The following RAB21 variants were observed in gnomAD, a reference collection of about 807,000 sequenced individuals.
RAB21 encodes the protein ras-related protein Rab-21.
Under a neutral mutation model 33.1 loss-of-function variants are expected in RAB21, and 13 were observed. The ratio of observed to expected loss-of-function variants is 0.39; its 90% CI spans 0.26 to 0.62. The LOEUF (loss-of-function observed/expected upper bound fraction) is 0.62. Among genes scored for constraint, RAB21 ranks in the 20% least tolerant of loss-of-function variants. The pLI is 0.48. For synonymous variants in RAB21, 91 were observed against 103.7 expected, an observed-to-expected ratio of 0.88 and a Z score of 0.74; for missense variants, 234 against 279.1, an observed-to-expected ratio of 0.84 and a Z score of 1.15.
chr12:71,780,694 G>T (rs1883184823), intron 4 of RAB21, among the ~76,000 whole-genome samples: 1 of 152,156 alleles, frequency 6.6e-6, no homozygotes, highest in African/African-American at 2.4e-5. Flanking sequence ...TAGGTTCTCA[G>T]ATTATTCGAG....
chr12:71,785,742 C>T lies in RAB21; in HGVS notation c.*69C>T. On this transcript the variant is annotated 3_prime_UTR_variant, in exon 7 of 7. Coordinates refer to ENST00000261263, the MANE Select transcript of RAB21 (RefSeq NM_014999.4). ...TCATTGCCCTCAACATGAAGACTGC[C>T]ATATTCCAAGTCACATTATTTTACC... 1 of 1,534,020 alleles carries T rather than the reference C, an allele frequency of 6.5e-7. No individual in the cohort carries two copies. The highest frequency in any genetic ancestry group is 1.7e-5 in the Admixed American group (1 of 57,198).
chr12:71,781,538 A>G (rs1231305775), intron 4 of RAB21, among the ~76,000 whole-genome samples: 1 of 152,156 alleles, frequency 6.6e-6, no homozygotes, highest in Non-Finnish European at 1.5e-5. Context: ...GTACACTTTA[A>G]TTTTTACTTT....
rs191841749 is a variant in RAB21 at position 71,768,470 on chromosome 12, G to A, written c.160-1330G>A. On this transcript the variant is annotated intron_variant, in intron 1 of 6. Transcript: ENST00000261263. Reference sequence around the variant, plus strand: ...TTCCTTTTTTTTAAACACGTCAGCTGACTCTGGATTCTGGATATATTTTGT... The same window carrying A: ...TTCCTTTTTTTTAAACACGTCAGCTAACTCTGGATTCTGGATATATTTTGT... Among the ~76,000 whole-genome samples the A allele has an allele frequency of 4.9e-3, 746 of 152,042 alleles. 8 individuals are homozygous for A. The highest frequency in any genetic ancestry group is 0.017 in the African/African-American group (711 of 41,476).
Position 71,796,531 on chromosome 12 carries a change from AT to A in RAB21, c.*10860del, listed in dbSNP as rs1883465947. 2 of 137,444 alleles carry A rather than the reference AT, an allele frequency of 1.5e-5. No individual in the cohort carries two copies. Among genetic ancestry groups the A allele is most frequent in the Non-Finnish European group, 3.0e-5 (2 of 65,890 alleles). The allele number at this position is 137,444 out of a possible 1,614,324, so 8.5% of individuals were successfully genotyped here. On this transcript the variant is annotated 3_prime_UTR_variant, in exon 7 of 7. Transcript: ENST00000261263. ...CCTTCCTATCTAGGAAACTGGTGTC[AT>A]TAGGAAATACGTTAACATAAGATCC...
chr12:71,769,982 G>A (rs1883018119), intron 2 of RAB21, 123 bp downstream of exon 2: 2 of 445,764 alleles, frequency 4.5e-6, no homozygotes, highest in Admixed American at 4.4e-5. Flanking sequence ...TTAAAATCTG[G>A]TTGAGAATTA....
rs1435941931 is a variant in RAB21 at position 71,796,860 on chromosome 12, C to CG, written c.*11189dup. On this transcript the variant is annotated 3_prime_UTR_variant, in exon 7 of 7. Transcript: ENST00000261263. ...TGTAAGCTAAAAAGCCTGTTTCGTT[C>CG]GGAAAAAAAAGTACATAACATTTTA... 1 of 151,354 alleles carries CG rather than the reference C, an allele frequency of 6.6e-6. No individual in the cohort carries two copies. Among genetic ancestry groups the CG allele is most frequent in the Non-Finnish European group, 1.5e-5 (1 of 67,824 alleles). 9.4% of individuals were successfully genotyped at this position (151,354 alleles called of 1,614,324 possible).
chr12:71,784,082 G>A (rs538198527), intron 6 of RAB21, among the ~76,000 whole-genome samples: 1 of 152,246 alleles, frequency 6.6e-6, no homozygotes, highest in Non-Finnish European at 1.5e-5. Flanking sequence ...AATTTATAAT[G>A]TTTTCTTATT....
At chr12:71,756,394 A>G (rs1882786212) in intron 1 of RAB21, among the ~76,000 whole-genome samples, 1 of 152,214 alleles carries the variant, frequency 6.6e-6, no homozygotes, top group African/African-American at 2.4e-5. Context: ...AACTTGCACA[A>G]TAGGTCTTAA....
In RAB21 at chr12:71,799,380, A is replaced by G. The variant is rs1250123358; in HGVS notation, c.*13707A>G. 6.6e-6 allele frequency: 1 copy of G among 152,168 alleles called. No homozygotes were observed. Among genetic ancestry groups the G allele is most frequent in the Non-Finnish European group, 1.5e-5 (1 of 68,028 alleles). 9.4% of individuals were successfully genotyped at this position (152,168 alleles called of 1,614,324 possible). A position where few individuals can be genotyped will look rare whatever the true frequency, so the allele number is the denominator to read the frequency against. On this transcript the variant is annotated 3_prime_UTR_variant, in exon 7 of 7. Transcript: ENST00000261263. ...TGCCTTCCTGTTTAAAATATCTATA[A>G]TGGCTTCTGTTTCCTGCATTGAAAG...
intron 3 of RAB21, among the ~76,000 whole-genome samples, chr12:71,772,599 G>A (rs776170888): frequency 6.6e-6 from 1 of 152,148 alleles, no homozygotes; most frequent in Non-Finnish European, 1.5e-5. Context: ...GATCAGATTA[G>A]TAGGTTGTGA....
chr12:71,755,331 A>C (rs986933040), intron 1 of RAB21, 43 bp downstream of exon 1: 1 of 1,457,218 alleles, frequency 6.9e-7, no homozygotes, highest in African/African-American at 1.5e-5. Flanking sequence ...CAGGGCCCCT[A>C]CCCCTCCGGG....
At position 71,792,199 on chromosome 12, in the gene RAB21, A is replaced by G. The variant is rs1175079580; in HGVS notation, c.*6526A>G. On this transcript the variant is annotated 3_prime_UTR_variant, in exon 7 of 7. Transcript: ENST00000261263. ...GAATCATACTCTTTTAAAGCAAGTT[A>G]AATCAGCAGTAATAGTTCTGGAACT... 1 of 152,202 alleles carries G rather than the reference A, an allele frequency of 6.6e-6. No homozygotes were observed. Among genetic ancestry groups the G allele is most frequent in the Non-Finnish European group, 1.5e-5 (1 of 68,042 alleles). The allele number at this position is 152,202 out of a possible 1,614,324, so 9.4% of individuals were successfully genotyped here. A position where few individuals can be genotyped will look rare whatever the true frequency, so the allele number is the denominator to read the frequency against.
At chr12:71,763,672 G>T (rs1177066959) in intron 1 of RAB21, among the ~76,000 whole-genome samples, 1 of 152,216 alleles carries the variant, frequency 6.6e-6, no homozygotes, top group Non-Finnish European at 1.5e-5. Context: ...AGATGTACTG[G>T]TGAAATAACT....
chr12:71,767,988 A>T lies in RAB21; in HGVS notation c.160-1812A>T, dbSNP rs114568127. Among the ~76,000 whole-genome samples, 441 of 152,290 alleles carry T rather than the reference A, an allele frequency of 2.9e-3. 2 individuals are homozygous for T. Among genetic ancestry groups the T allele is most frequent in the African/African-American group, 9.9e-3 (411 of 41,572 alleles). The stretch of plus-strand genomic sequence containing the variant: ...ATCCACAGGTTCTGCTCCAAAGTTC[A>T]TATTCTTAGCTCCTATGCTAGCATG... On this transcript the variant is annotated intron_variant, in intron 1 of 6. Coordinates refer to ENST00000261263, the MANE Select transcript of RAB21 (RefSeq NM_014999.4).
At chr12:71,785,155 T>C (rs1353580366) in intron 6 of RAB21, among the ~76,000 whole-genome samples, 1 of 152,200 alleles carries the variant, frequency 6.6e-6, no homozygotes, top group Non-Finnish European at 1.5e-5. Context: ...AGTTGAAGAA[T>C]AAATCCTGCC....
At chr12:71,776,007 CACTGAAGTAGTAGGCT>C (rs1883114483) in intron 4 of RAB21, among the ~76,000 whole-genome samples, 2 of 152,150 alleles carry the variant, frequency 1.3e-5, no homozygotes, top group African/African-American at 4.8e-5. Flanking sequence ...CAGACTGGAA[CACTGAAGTAGTAGGCT>C]ACTTGGAGAT....
At chr12:71,764,510 T>A (rs545840745) in intron 1 of RAB21, among the ~76,000 whole-genome samples, 1 of 152,316 alleles carries the variant, frequency 6.6e-6, no homozygotes, top group South Asian at 2.1e-4. Context: ...GTTTTTTTGC[T>A]ACATGGATAA....
chr12:71,779,580 G>A (rs550302454), intron 4 of RAB21, among the ~76,000 whole-genome samples: 5 of 152,296 alleles, frequency 3.3e-5, no homozygotes, highest in Admixed American at 2.6e-4. Flanking sequence ...TTCAGTCTAA[G>A]CATAATATGA....
At position 71,782,072 on chromosome 12, in the gene RAB21, C is replaced by G; in HGVS notation, c.433C>G (p.Gln145Glu). The stretch of plus-strand genomic sequence containing the variant: ...GGAAAAGGAGAGACATGTTTCCATT[C>G]AAGAAGCAGAGTCGTAAGTACTGTG... ...DLEKERHVSIQEAESYAESVG... is the reference protein window; with the variant it reads ...DLEKERHVSIEEAESYAESVG... Residue 145 changes from glutamine to glutamate, a missense_variant, in exon 5 of 7, where the codon CAA (glutamine) becomes GAA (glutamate). Physicochemically the swap from Gln to Glu is conservative, Grantham distance 29. Transcript: ENST00000261263. 1.2e-6 allele frequency: 2 copies of G among 1,607,828 alleles called. No homozygotes were observed. Among genetic ancestry groups the G allele is most frequent in the Admixed American group, 1.7e-5 (1 of 59,962 alleles).
Sources: allele counts gnomAD v4.1 joint callset (sites outside exome capture counted in the v4.1 genomes callset), GRCh38; gene constraint gnomAD v4.1.1; transcripts MANE v1.5; gene names NCBI Gene and HGNC (gene_info 2026-07-23, HGNC 2026-07-21).